RDH16: variants seen among roughly 807,000 people sequenced by gnomAD.
The protein encoded by RDH16 is human epidermal retinol dehydrogenase.
A neutral mutation model predicts 22.3 loss-of-function variants in RDH16; 25 were observed. That is an observed-to-expected ratio of 1.12 (90% CI 0.82 to 1.56). The LOEUF is 1.56. RDH16 is among the 40% of genes most tolerant of loss of function. The probability of loss-of-function intolerance (pLI) is 0.00; values close to 1 mark genes in which losing one functional copy is unlikely to be tolerated. For synonymous variants in RDH16, 154 were observed against 164.4 expected (o/e 0.94, Z 0.48); for missense variants, 413 against 394.9 (o/e 1.05, Z -0.39).
intron 2 of RDH16, 74 bp downstream of exon 2, chr12:56,954,832 G>A: frequency 4.6e-6 from 7 of 1,521,600 alleles, no homozygotes; most frequent in Non-Finnish European, 6.3e-6. Flanking sequence ...GGGATTCAAG[G>A]AACTCCCTGG....
In RDH16 at chr12:56,952,172, C is replaced by T. The variant is rs948802385; in HGVS notation, c.811G>A (p.Ala271Thr). 3.1e-6 allele frequency: 5 copies of T among 1,614,078 alleles called. No individual in the cohort carries two copies. The highest frequency in any genetic ancestry group is 2.2e-5 in the East Asian group (1 of 44,902). Residue 271 changes from alanine (A) to threonine (T), a missense_variant, in exon 4 of 4, where the codon GCG (alanine) becomes ACG (threonine). Coordinates refer to ENST00000398138, the MANE Select transcript of RDH16 (RefSeq NM_003708.5). The part of the protein sequence containing the change: ...LSLVTNCMEH[A>T]LIACHPRTRY... ...GTACGGGGGTGGCAGGCAATCAGCGCATGCTCCATGCAGTTGGTCACCAAC... is the reference window on the plus strand; with the variant it reads ...GTACGGGGGTGGCAGGCAATCAGCGTATGCTCCATGCAGTTGGTCACCAAC...
Position 56,951,590 on chromosome 12 carries a change from G to C in RDH16, c.*439C>G, listed in dbSNP as rs1592430372. The C allele has an allele frequency of 9.4e-6, 2 of 213,344 alleles. No homozygotes were observed. Among genetic ancestry groups the C allele is most frequent in the Non-Finnish European group, 1.9e-5 (2 of 104,246 alleles). 13.2% of individuals were successfully genotyped at this position (213,344 alleles called of 1,614,324 possible). On this transcript the variant is annotated 3_prime_UTR_variant, in exon 4 of 4. Transcript: ENST00000398138. ...CGTGTACAGGGATCTTCAGAGGAGG[G>C]GTGCCCTCACATCCTCCAGGCCATT... is the stretch of plus-strand genomic sequence containing the variant.
chr12:56,952,348 A>G, intron 3 of RDH16, 102 bp from the exon 4 acceptor site: 1 of 1,073,856 alleles, frequency 9.3e-7, no homozygotes, highest in Non-Finnish European at 1.4e-6. Context: ...ATGCCACCCC[A>G]CAACCCCCAG....
At chr12:56,953,756 C>G (rs1304300668) in intron 2 of RDH16, among the ~76,000 whole-genome samples, 1 of 152,142 alleles carries the variant, frequency 6.6e-6, no homozygotes, top group East Asian at 1.9e-4. Flanking sequence ...TTCTCAATCC[C>G]CAGCTTGAGT....
At chr12:56,954,419 T>G (rs780899868) in intron 2 of RDH16, among the ~76,000 whole-genome samples, 11 of 152,194 alleles carry the variant, frequency 7.2e-5, no homozygotes, top group Non-Finnish European at 1.6e-4. Context: ...GCTCCTTCTC[T>G]AGGGTGCAAA....
Position 56,955,177 on chromosome 12 carries a change from G to A in RDH16, c.314-13C>T. 1 of 1,613,670 alleles carries A rather than the reference G, an allele frequency of 6.2e-7. No individual in the cohort carries two copies. Among genetic ancestry groups the A allele is most frequent in the Non-Finnish European group, 8.5e-7 (1 of 1,179,878 alleles). On this transcript the variant is annotated splice_polypyrimidine_tract_variant and intron_variant, in intron 1 of 3. Transcript: ENST00000398138. ...AGGCCCCAGAGTCCTGGGACAGTGG[G>A]AAGATGAGAGAGCATCACTGTGTTG...
Position 56,955,120 on chromosome 12 carries a change from C to T in RDH16, c.358G>A (p.Ala120Thr), listed in dbSNP as rs747640607. The T allele has an allele frequency of 1.2e-6, 2 of 1,614,124 alleles. No individual in the cohort carries two copies. Among genetic ancestry groups the T allele is most frequent in the East Asian group, 2.2e-5 (1 of 44,864 alleles). The change falls in exon 2 of 4, where the codon GCT (alanine) becomes ACT (threonine). Residue 120 changes from alanine (A) to threonine (T), a missense_variant. Ala to Thr is a moderately conservative substitution (Grantham distance 58). Transcript: ENST00000398138. Reference protein sequence around the residue: ...VNNAGISLPTAPNELLTKQDF... With the variant: ...VNNAGISLPTTPNELLTKQDF... ...TGCTTGGTGAGCAACTCATTGGGAGCCGTGGGCAAGGAGATGCCAGCATTA... is the reference window on the plus strand; with the variant it reads ...TGCTTGGTGAGCAACTCATTGGGAGTCGTGGGCAAGGAGATGCCAGCATTA...
chr12:56,953,621 G>C (rs1052658229), intron 2 of RDH16, among the ~76,000 whole-genome samples: 2 of 152,180 alleles, frequency 1.3e-5, no homozygotes, highest in African/African-American at 4.8e-5. Context: ...GCTTGGCCTT[G>C]ACCTTCACCA....
Position 56,957,150 on chromosome 12 carries a change from C to A in RDH16, c.313G>T (p.Gly105Ter). 6.2e-7 allele frequency: 1 copy of A among 1,604,728 alleles called. No individual in the cohort carries two copies. Among genetic ancestry groups the A allele is most frequent in the Non-Finnish European group, 8.5e-7 (1 of 1,173,352 alleles). Residue 105 changes from glycine to a stop codon, truncating the protein, a stop_gained and splice_region_variant, in exon 1 of 4, where the codon GGA (glycine) becomes TGA (stop). Transcript: ENST00000398138. LOFTEE classifies it high-confidence loss of function. ...AGACTTGACAAACCTGGGTGGTTAC[C>A]TTTGTCTCTCACGCACTCCTTCACC... ...QWVKECVRDK[G>*]LWGLVNNAGI...
Position 56,951,654 on chromosome 12 carries a change from C to A in RDH16, c.*375G>T. The stretch of plus-strand genomic sequence containing the variant: ...AGGGTGTAGACTGGCCCAGAATTAA[C>A]ACACAGCCTGATAAGGAAGCAGGAG... On this transcript the variant is annotated 3_prime_UTR_variant, in exon 4 of 4. Coordinates refer to ENST00000398138, the MANE Select transcript of RDH16 (RefSeq NM_003708.5). 2 of 269,318 alleles carry A rather than the reference C, an allele frequency of 7.4e-6. No homozygotes were observed. The highest frequency in any genetic ancestry group is 1.6e-4 in the East Asian group (2 of 12,654). 16.7% of individuals were successfully genotyped at this position (269,318 alleles called of 1,614,324 possible). A position where few individuals can be genotyped will look rare whatever the true frequency, so the allele number is the denominator to read the frequency against.
chr12:56,955,952 T>C (rs971282683), intron 1 of RDH16, among the ~76,000 whole-genome samples: 1 of 152,142 alleles, frequency 6.6e-6, no homozygotes, highest in Non-Finnish European at 1.5e-5. Context: ...CTCTGGAAGA[T>C]GCAAATACAC....
At chr12:56,956,332 T>C (rs1324435306) in intron 1 of RDH16, among the ~76,000 whole-genome samples, 5 of 152,178 alleles carry the variant, frequency 3.3e-5, no homozygotes, top group Non-Finnish European at 7.3e-5. Context: ...TTAAATATAA[T>C]TTTATAAAAA....
In RDH16 at chr12:56,957,211, A is replaced by T. The variant is rs1955937514; in HGVS notation, c.252T>A (p.Val84=). The T allele has an allele frequency of 6.2e-7, 1 of 1,614,122 alleles. No individual in the cohort carries two copies. Among genetic ancestry groups the T allele is most frequent in the Non-Finnish European group, 8.5e-7 (1 of 1,180,016 alleles). ...CTGCAGCAACGCTCTCTGTCTTGGT[A>T]ACATCCAGGGTCACCGTCTCCAGCC... The part of the protein sequence containing the change: ...SDRLETVTLD[V]TKTESVAAAA... Residue 84 remains valine (V), a synonymous_variant, in exon 1 of 4, where the codon GTT becomes GTA. Coordinates refer to ENST00000398138, the MANE Select transcript of RDH16 (RefSeq NM_003708.5).
chr12:56,957,374 T>G lies in RDH16; in HGVS notation c.89A>C (p.Lys30Thr). ...GTCACAGCCCGTGATGAACACATACTTATCTCTCAGGTGGCTCAGCACCTG... is the reference window on the plus strand; with the variant it reads ...GTCACAGCCCGTGATGAACACATACGTATCTCTCAGGTGGCTCAGCACCTG... ...ERQVLSHLRD[K>T]YVFITGCDSG... The change falls in exon 1 of 4, where the codon AAG becomes ACG. Residue 30 changes from lysine (K) to threonine (T), a missense_variant. Transcript: ENST00000398138. 2 of 1,614,112 alleles carry G rather than the reference T, an allele frequency of 1.2e-6. No homozygotes were observed. Among genetic ancestry groups the G allele is most frequent in the South Asian group, 1.1e-5 (1 of 91,076 alleles).
At position 56,957,493 on chromosome 12, in the gene RDH16, GT is replaced by G. The variant is rs1256385598; in HGVS notation, c.-32del. The stretch of plus-strand genomic sequence containing the variant: ...TGCAGAGGACAGACACAGACAGGCT[GT>G]GGGGGAAACCAGAGTCTGGCCTCTG... On this transcript the variant is annotated 5_prime_UTR_variant, in exon 1 of 4. Transcript: ENST00000398138. The G allele has an allele frequency of 6.3e-7, 1 of 1,578,132 alleles. No homozygotes were observed. The highest frequency in any genetic ancestry group is 8.6e-7 in the Non-Finnish European group (1 of 1,158,094).
chr12:56,957,415 G>C lies in RDH16; in HGVS notation c.48C>G (p.His16Gln), dbSNP rs528031298. 1 of 1,614,166 alleles carries C rather than the reference G, an allele frequency of 6.2e-7. No homozygotes were observed. Among genetic ancestry groups the C allele is most frequent in the African/African-American group, 1.3e-5 (1 of 75,046 alleles). Reference protein sequence around the residue: ...AVFVGLYYLLHWYRERQVLSH... With the variant: ...AVFVGLYYLLQWYRERQVLSH... Reference sequence around the variant, plus strand: ...TCAGCACCTGCCTCTCCCGGTACCAGTGCAGAAGGTAGTACAGGCCCACGA... The same window carrying C: ...TCAGCACCTGCCTCTCCCGGTACCACTGCAGAAGGTAGTACAGGCCCACGA... Residue 16 changes from histidine (H) to glutamine (Q), a missense_variant, in exon 1 of 4, where the codon CAC becomes CAG. Coordinates refer to ENST00000398138, the MANE Select transcript of RDH16 (RefSeq NM_003708.5).
intron 1 of RDH16, 44 bp from the exon 2 acceptor site, chr12:56,955,208 G>T (rs941857914): frequency 1.2e-6 from 2 of 1,608,740 alleles, no homozygotes; most frequent in South Asian, 1.1e-5. Flanking sequence ...TGTTGTGCCT[G>T]TGCAGGTGGA....
At position 56,957,479 on chromosome 12, in the gene RDH16, GAC is replaced by G; in HGVS notation, c.-19_-18del. ...GAGCCACATGGCTTTGCAGAGGACA[GAC>G]ACAGACAGGCTGTGGGGGAAACCAG... is the stretch of plus-strand genomic sequence containing the variant. On this transcript the variant is annotated 5_prime_UTR_variant, in exon 1 of 4. Transcript: ENST00000398138. 3.8e-6 allele frequency: 6 copies of G among 1,593,090 alleles called. No homozygotes were observed. The highest frequency in any genetic ancestry group is 5.1e-6 in the Non-Finnish European group (6 of 1,166,642).
Position 56,951,681 on chromosome 12 carries a change from T to A in RDH16, c.*348A>T, listed in dbSNP as rs914330306. ...CACAGCCTGATAAGGAAGCAGGAGG[T>A]AATGGCATGGGCTGAGGCTCCTTCC... On this transcript the variant is annotated 3_prime_UTR_variant, in exon 4 of 4. Coordinates refer to ENST00000398138, the MANE Select transcript of RDH16 (RefSeq NM_003708.5). 4 of 299,064 alleles carry A rather than the reference T, an allele frequency of 1.3e-5. No homozygotes were observed. The highest frequency in any genetic ancestry group is 2.6e-5 in the Non-Finnish European group (4 of 154,970). The allele number at this position is 299,064 out of a possible 1,614,324, so 18.5% of individuals were successfully genotyped here. A position where few individuals can be genotyped will look rare whatever the true frequency, so the allele number is the denominator to read the frequency against.
Sources: allele counts gnomAD v4.1 joint callset (sites outside exome capture counted in the v4.1 genomes callset), GRCh38; gene constraint gnomAD v4.1.1; transcripts MANE v1.5; gene names NCBI Gene and HGNC (gene_info 2026-07-23, HGNC 2026-07-21).